SELP: variants seen among roughly 807,000 people sequenced by gnomAD.
The protein encoded by SELP is P-selectin.
SELP carries 92 observed loss-of-function variants against 104.1 expected under a neutral mutation model. The ratio of observed to expected loss-of-function variants is 0.88; its 90% CI spans 0.75 to 1.05. The LOEUF (loss-of-function observed/expected upper bound fraction) is 1.05, where lower values mean the gene tolerates loss of function less well. Among genes scored for constraint, SELP ranks in the 50% least tolerant of loss-of-function variants. The pLI is 0.00. For synonymous variants in SELP, 397 were observed against 364.5 expected, an observed-to-expected ratio of 1.09 and a Z score of -1.01; for missense variants, 1,022 against 1,017.3, an observed-to-expected ratio of 1.00 and a Z score of -0.06.
chr1:169,621,883 C>A (rs908332258), intron 1 of SELP, among the ~76,000 whole-genome samples: 3 of 152,296 alleles, frequency 2.0e-5, no homozygotes, highest in Non-Finnish European at 4.4e-5. Flanking sequence ...TGTTGTGTCA[C>A]AAGCTGTTCT....
rs774973411 is a variant in SELP, at chr1:169,617,255, T to G, written c.254A>C (p.Tyr85Ser). 6 of 1,614,080 alleles carry G rather than the reference T, an allele frequency of 3.7e-6. No homozygotes were observed. The African/African-American group carries it at 8.0e-5, about 22-fold the overall frequency. Residue 85 changes from tyrosine to serine, a missense_variant, in exon 3 of 17, where the codon TAC becomes TCC. By Grantham distance (144) the Tyr-to-Ser change is moderately radical. Coordinates refer to ENST00000263686, the MANE Select transcript of SELP (RefSeq NM_003005.4). ...EIDYLNKVLPYYSSYYWIGIR... is the reference protein window; with the variant it reads ...EIDYLNKVLPSYSSYYWIGIR... ...CCCAATCCAGTAGTAGGAGCTGTAG[T>G]AGGGTAGGACCTTATTGAGGTAATC...
rs1001794324 is a variant in SELP at position 169,589,406 on chromosome 1, T to G, written c.*57A>C. On this transcript the variant is annotated 3_prime_UTR_variant, in exon 17 of 17. Transcript: ENST00000263686. ...GTCCAGAGCGGGTCCAACAGGCTGGTCCAGAGCTAATCTAAGGTAATTCCA... is the reference window on the plus strand; with the variant it reads ...GTCCAGAGCGGGTCCAACAGGCTGGGCCAGAGCTAATCTAAGGTAATTCCA... 6.6e-6 allele frequency: 1 copy of G among 152,180 alleles called. No individual in the cohort carries two copies. The highest frequency in any genetic ancestry group is 1.5e-5 in the Non-Finnish European group (1 of 68,084). 9.4% of individuals were successfully genotyped at this position (152,180 alleles called of 1,614,324 possible).
At chr1:169,612,545 A>G (rs775337694) in intron 5 of SELP, 143 bp from the exon 6 acceptor site, 66 of 713,948 alleles carry the variant, frequency 9.2e-5, no homozygotes, top group African/African-American at 2.0e-4. Flanking sequence ...GGTGTTTTCA[A>G]TAGCTGCTTG....
intron 3 of SELP, 123 bp from the exon 4 acceptor site, chr1:169,613,816 A>T: frequency 1.3e-6 from 1 of 754,182 alleles, no homozygotes; most frequent in Non-Finnish European, 2.3e-6. Flanking sequence ...ACAAGAGGGA[A>T]GCACAGTATC....
intron 3 of SELP, 63 bp downstream of exon 3, chr1:169,616,965 C>CGTGTCATTA: frequency 6.7e-7 from 1 of 1,497,996 alleles, no homozygotes; most frequent in South Asian, 1.4e-5. Flanking sequence ...TTATGTTGGC[C>CGTGTCATTA]AACCAGAGAA....
At chr1:169,609,991 CTGTTCATACATGATTGTCAT>C (rs981480143) in intron 7 of SELP, among the ~76,000 whole-genome samples, 58 of 152,116 alleles carry the variant, frequency 3.8e-4, no homozygotes, top group African/African-American at 1.3e-3. Flanking sequence ...TGTTCTTGCG[CTGTTCATACATGATTGTCAT>C]TCTTCCCCAT....
intron 1 of SELP, among the ~76,000 whole-genome samples, chr1:169,625,285 A>G (rs1663321590): frequency 6.6e-6 from 1 of 152,126 alleles, no homozygotes; most frequent in African/African-American, 2.4e-5. Context: ...CTTCTGCTCT[A>G]ATGTTTGAGA....
rs186465719 is a variant in SELP, at chr1:169,599,591, C to G, written c.1706-2415G>C. The stretch of plus-strand genomic sequence containing the variant: ...ATTTAGTAAATTATCTGTTTCCTTT[C>G]ATTATATCATTTTACTTGAGTTTGA... On this transcript the variant is annotated intron_variant, in intron 10 of 16. Coordinates refer to ENST00000263686, the MANE Select transcript of SELP (RefSeq NM_003005.4). Among the ~76,000 whole-genome samples the G allele has an allele frequency of 1.7e-3, 265 of 152,218 alleles. 1 individual carries two copies. The highest frequency in any genetic ancestry group is 3.4e-3 in the Middle Eastern group (1 of 294).
intron 9 of SELP, among the ~76,000 whole-genome samples, chr1:169,604,547 C>G (rs960582358): frequency 6.6e-6 from 1 of 152,230 alleles, no homozygotes; most frequent in Admixed American, 6.5e-5. Context: ...TTTTCAGCCA[C>G]TGACTTAAAC....
chr1:169,605,475 G>A (rs572140082), intron 9 of SELP, among the ~76,000 whole-genome samples: 6 of 150,866 alleles, frequency 4.0e-5, no homozygotes, highest in African/African-American at 1.5e-4. Flanking sequence ...CTTAACAATG[G>A]GGTGTGTGTG....
intron 1 of SELP, among the ~76,000 whole-genome samples, chr1:169,623,328 G>A (rs140750249): frequency 3.2e-4 from 48 of 151,694 alleles, no homozygotes; most frequent in African/African-American, 9.0e-4. Flanking sequence ...TGTGTAGGGC[G>A]AAGGAGTCGG....
intron 15 of SELP, 83 bp downstream of exon 15, chr1:169,591,343 C>G (rs1661345578): frequency 2.3e-6 from 2 of 864,560 alleles, no homozygotes; most frequent in East Asian, 5.3e-5. Context: ...GCAGGCATTG[C>G]ATGTAATCAT....
Position 169,593,599 on chromosome 1 carries a change from A to G in SELP, c.2407+6T>C, listed in dbSNP as rs2101863927. ...AGATGCAAAGAGAAGACTCTTTCCT[A>G]TTTACCTTTTTGTCTGAAACGCTTT... On this transcript the variant is annotated splice_donor_region_variant and intron_variant, in intron 14 of 16. Transcript: ENST00000263686. 6.2e-7 allele frequency: 1 copy of G among 1,611,824 alleles called. No individual in the cohort carries two copies. Among genetic ancestry groups the G allele is most frequent in the Non-Finnish European group, 8.5e-7 (1 of 1,178,530 alleles).
chr1:169,598,145 C>A (rs1009141740), intron 10 of SELP, among the ~76,000 whole-genome samples: 2 of 152,296 alleles, frequency 1.3e-5, no homozygotes, highest in Admixed American at 1.3e-4. Context: ...TTCACAATTT[C>A]CCCCCAAAAG....
intron 1 of SELP, among the ~76,000 whole-genome samples, chr1:169,627,249 G>A (rs941235078): frequency 1.3e-5 from 2 of 152,212 alleles, no homozygotes; most frequent in African/African-American, 4.8e-5. Context: ...GTGTGGCACA[G>A]ATATTGGTAG....
chr1:169,621,903 A>G (rs938289121), intron 1 of SELP, among the ~76,000 whole-genome samples: 4 of 152,194 alleles, frequency 2.6e-5, no homozygotes, highest in Admixed American at 2.6e-4. Flanking sequence ...TTCCTATCAC[A>G]TTTCAAAATG....
At chr1:169,596,227 C>T (rs1292998907) in intron 11 of SELP, 93 bp from the exon 12 acceptor site, 1 of 1,136,318 alleles carries the variant, frequency 8.8e-7, no homozygotes, top group Admixed American at 2.0e-5. Context: ...CTTTTCACTC[C>T]CTTCATAACA....
In SELP at chr1:169,612,401, A is replaced by G. The variant is rs757680107; in HGVS notation, c.777T>C (p.Ala259=). ...GAATCTTCAGGGGTGGGCACTGGGC[A>G]GCTAAAACCAACCACAGAATAATAG... The part of the protein sequence containing the change: ...IWTNKPPQCL[A]AQCPPLKIPE... Residue 259 remains alanine, a splice_region_variant and synonymous_variant, in exon 6 of 17, where the codon GCT becomes GCC. Coordinates refer to ENST00000263686, the MANE Select transcript of SELP (RefSeq NM_003005.4). The G allele has an allele frequency of 8.7e-6, 14 of 1,614,030 alleles. No homozygotes were observed. The highest frequency in any genetic ancestry group is 1.1e-5 in the Non-Finnish European group (13 of 1,179,918).
chr1:169,599,266 T>G (rs1661779783), intron 10 of SELP, among the ~76,000 whole-genome samples: 1 of 151,426 alleles, frequency 6.6e-6, no homozygotes, highest in Non-Finnish European at 1.5e-5. Flanking sequence ...TGGAGATTAG[T>G]GCAGATGCAG....
Sources: allele counts gnomAD v4.1 joint callset (sites outside exome capture counted in the v4.1 genomes callset), GRCh38; gene constraint gnomAD v4.1.1; transcripts MANE v1.5; gene names NCBI Gene and HGNC (gene_info 2026-07-23, HGNC 2026-07-21).